SPOP: variants seen among roughly 807,000 people sequenced by gnomAD.
SPOP encodes the protein speckle type BTB/POZ protein.
In SPOP, 11 loss-of-function variants were observed where a neutral mutation model predicts 45.6. The observed-to-expected ratio is 0.24, with a 90% CI of 0.15 to 0.40. SPOP has a LOEUF of 0.40. Ranked by LOEUF, SPOP falls within the 10% of genes least tolerant of loss-of-function variation. The pLI is 1.00. For synonymous variants in SPOP, 166 were observed against 166.3 expected (o/e 1.00, Z 0.01); for missense variants, 152 against 465.6 (o/e 0.33, Z 6.20).
chr17:49,604,908 T>C (rs188140563), intron 8 of SPOP, among the ~76,000 whole-genome samples: 1 of 152,352 alleles, frequency 6.6e-6, no homozygotes, highest in Admixed American at 6.5e-5. Context: ...GTTAACTAAA[T>C]TGGAGAAATG....
intron 1 of SPOP, among the ~76,000 whole-genome samples, chr17:49,633,682 C>CA (rs2072492609): frequency 1.3e-5 from 2 of 152,148 alleles, no homozygotes; most frequent in African/African-American, 4.8e-5. Context: ...AGGAAGAATG[C>CA]AATGTATCTC....
Position 49,632,619 on chromosome 17 carries a change from A to G in SPOP, c.-66-9743T>C, listed in dbSNP as rs1204485456. 2.0e-5 allele frequency among the ~76,000 whole-genome samples: 3 copies of G among 151,928 alleles called. No individual in the cohort carries two copies. In the East Asian group the frequency reaches 5.8e-4, roughly 29 times the overall value. On this transcript the variant is annotated intron_variant, in intron 1 of 9. Coordinates refer to ENST00000504102, the MANE Select transcript of SPOP (RefSeq NM_001007228.2). ...GCAATTCTCCCGCCTTAGCCTCCCA[A>G]GTAGCTGGGATTACAGGCGCCCACC...
Position 49,619,494 on chromosome 17 carries a change from G to T in SPOP, c.201-109C>A. 8.1e-7 allele frequency: 1 copy of T among 1,232,522 alleles called. No individual in the cohort carries two copies. The highest frequency in any genetic ancestry group is 1.1e-6 in the Non-Finnish European group (1 of 904,722). The allele number at this position is 1,232,522 out of a possible 1,614,324, so 76.3% of individuals were successfully genotyped here. ...TTAAAAAACAAATGCAGGCCCCATA[G>T]AAGAATATAATTCAGTAGAATGACT... On this transcript the variant is annotated intron_variant, in intron 3 of 9. Transcript: ENST00000504102. This position sits in a 1 kb window ranked among gnomAD's most constrained non-coding sequence, Gnocchi z 4.9.
chr17:49,599,965 C>A lies in SPOP; in HGVS notation c.*413G>T. On this transcript the variant is annotated 3_prime_UTR_variant, in exon 10 of 10. Coordinates refer to ENST00000504102, the MANE Select transcript of SPOP (RefSeq NM_001007228.2). Reference sequence around the variant, plus strand: ...TTGAGAAATTCTGCAAAAATCTTTTCTTCTTTCCTTTTCCCTTCTGTTAAA... The same window carrying A: ...TTGAGAAATTCTGCAAAAATCTTTTATTCTTTCCTTTTCCCTTCTGTTAAA... 1 of 231,724 alleles carries A rather than the reference C, an allele frequency of 4.3e-6. No homozygotes were observed. The allele number at this position is 231,724 out of a possible 1,614,324, so 14.4% of individuals were successfully genotyped here.
intron 1 of SPOP, among the ~76,000 whole-genome samples, chr17:49,665,070 T>C (rs2143547658): frequency 6.6e-6 from 1 of 152,324 alleles, no homozygotes; most frequent in East Asian, 1.9e-4. Flanking sequence ...AAAACTTCGA[T>C]GCTTTTACCC....
chr17:49,667,790 T>G (rs564813395), intron 1 of SPOP, among the ~76,000 whole-genome samples: 1 of 152,292 alleles, frequency 6.6e-6, no homozygotes, highest in Admixed American at 6.5e-5. Flanking sequence ...AAAAGATGTT[T>G]GTACACTCAT....
intron 1 of SPOP, among the ~76,000 whole-genome samples, chr17:49,673,346 A>T (rs2073160926): frequency 6.6e-6 from 1 of 152,076 alleles, no homozygotes; most frequent in African/African-American, 2.4e-5. Context: ...TCTACTAAAA[A>T]ATACAAAAAA....
intron 9 of SPOP, 88 bp downstream of exon 9, chr17:49,601,777 G>T (rs1377079372): frequency 2.0e-6 from 3 of 1,517,494 alleles, no homozygotes; most frequent in East Asian, 4.5e-5. Flanking sequence ...GAAGCTACTT[G>T]CCTGCTTTAC....
At chr17:49,673,283 A>G (rs918061447) in intron 1 of SPOP, among the ~76,000 whole-genome samples, 3 of 152,176 alleles carry the variant, frequency 2.0e-5, no homozygotes, top group Non-Finnish European at 4.4e-5. Flanking sequence ...AGGTGGGTGG[A>G]TCACGAGGTC....
At chr17:49,611,886 C>CTTTT (rs58317598) in intron 5 of SPOP, among the ~76,000 whole-genome samples, 1 of 146,288 alleles carries the variant, frequency 6.8e-6, no homozygotes, top group Non-Finnish European at 1.5e-5. Flanking sequence ...AATCTGATCA[C>CTTTT]TTTTTTTTTT....
At chr17:49,629,190 C>T (rs1362906510) in intron 1 of SPOP, among the ~76,000 whole-genome samples, 4 of 151,726 alleles carry the variant, frequency 2.6e-5, no homozygotes, top group South Asian at 2.1e-4. Flanking sequence ...TGCAGAGAGC[C>T]GAGTTGGTGC....
chr17:49,611,346 G>C lies in SPOP; in HGVS notation c.592C>G (p.Arg198Gly). 6.2e-7 allele frequency: 1 copy of C among 1,614,130 alleles called. No individual in the cohort carries two copies. The highest frequency in any genetic ancestry group is 8.5e-7 in the Non-Finnish European group (1 of 1,180,006). ...ACACACAAGCAGCAGTCTGTGAACC[G>C]GGAATTCTCCCACAGTCCTCCTAAC... is the stretch of plus-strand genomic sequence containing the variant. Reference protein sequence around the residue: ...DELGGLWENSRFTDCCLCVAG... With the variant: ...DELGGLWENSGFTDCCLCVAG... Residue 198 changes from arginine to glycine, a missense_variant, in exon 6 of 10, where the codon CGG becomes GGG. Transcript: ENST00000504102.
intron 1 of SPOP, among the ~76,000 whole-genome samples, chr17:49,658,045 T>G (rs893273137): frequency 1.8e-4 from 27 of 152,184 alleles, no homozygotes; most frequent in African/African-American, 6.3e-4. Flanking sequence ...AAAAAATTCA[T>G]TATTGGGAAA....
chr17:49,619,155 A>C lies in SPOP; in HGVS notation c.353-47T>G. 1 of 1,613,402 alleles carries C rather than the reference A, an allele frequency of 6.2e-7. No homozygotes were observed. Among genetic ancestry groups the C allele is most frequent in the Non-Finnish European group, 8.5e-7 (1 of 1,179,758 alleles). ...TCATATTTAAGGTTACGCAAAAACC[A>C]GATCAAAGCCACAACTTGTCAGTGT... On this transcript the variant is annotated intron_variant, in intron 4 of 9. Transcript: ENST00000504102. This position sits in a 1 kb window ranked among gnomAD's most constrained non-coding sequence, Gnocchi z 4.9.
At chr17:49,645,589 C>A (rs1425212915) in intron 1 of SPOP, among the ~76,000 whole-genome samples, 3 of 151,998 alleles carry the variant, frequency 2.0e-5, no homozygotes, top group Non-Finnish European at 4.4e-5. Context: ...GTCACCGCGC[C>A]CAGCCAGAAA....
At chr17:49,636,773 AG>A (rs1332907639) in intron 1 of SPOP, 2 of 152,234 alleles carry the variant, frequency 1.3e-5, no homozygotes, top group African/African-American at 4.8e-5. Context: ...TTAAGTCAGT[AG>A]GAAAACTCTA....
At chr17:49,648,651 G>A (rs2072795273) in intron 1 of SPOP, among the ~76,000 whole-genome samples, 1 of 152,148 alleles carries the variant, frequency 6.6e-6, no homozygotes, top group Non-Finnish European at 1.5e-5. Context: ...CCTAGACAAT[G>A]GGGGCTCTCC....
chr17:49,659,974 C>A (rs185286528), intron 1 of SPOP, among the ~76,000 whole-genome samples: 86 of 152,316 alleles, frequency 5.6e-4, no homozygotes, highest in Admixed American at 3.4e-3. Context: ...TAAATGAATT[C>A]TTTCTTTAAC....
chr17:49,608,055 T>C (rs2071888444), intron 6 of SPOP, 126 bp from the exon 7 acceptor site: 3 of 621,128 alleles, frequency 4.8e-6, no homozygotes, highest in South Asian at 6.9e-5. Flanking sequence ...TCTACCTCAA[T>C]TTACATCAGA....
Sources: allele counts gnomAD v4.1 joint callset (sites outside exome capture counted in the v4.1 genomes callset), GRCh38; gene constraint gnomAD v4.1.1; non-coding constraint Gnocchi (gnomAD v3.1); transcripts MANE v1.5; gene names NCBI Gene and HGNC (gene_info 2026-07-23, HGNC 2026-07-21).